Variants in ZNF407 observed in about 807,000 individuals in gnomAD.
ZNF407 encodes the protein zinc finger protein 407.
ZNF407 carries 17 observed loss-of-function variants against 131.2 expected under a neutral mutation model. The observed-to-expected ratio is 0.13, with a 90% CI of 0.09 to 0.19. The LOEUF is 0.19. Among genes scored for constraint, ZNF407 ranks in the 10% least tolerant of loss-of-function variants. The probability of loss-of-function intolerance (pLI) is 1.00; values close to 1 mark genes in which losing one functional copy is unlikely to be tolerated. For missense variants in ZNF407, 2,681 were observed against 2,830.6 expected (o/e 0.95, Z 1.20); for synonymous variants, 1,156 against 1,062.0 (o/e 1.09, Z -1.72).
rs554300102 is a variant in ZNF407 at position 74,948,009 on chromosome 18, A to G, written c.5428+27317A>G. On this transcript the variant is annotated intron_variant, in intron 8 of 8. Coordinates refer to ENST00000299687, the MANE Select transcript of ZNF407 (RefSeq NM_017757.3). ...GAGGTAAAATAATTAAGCATCAAAC[A>G]CAACAGCAGAACCCAGGATACTTGT... Among the ~76,000 whole-genome samples, 25 of 152,342 alleles carry G rather than the reference A, an allele frequency of 1.6e-4. No homozygotes were observed. In the South Asian group the frequency reaches 5.0e-3, roughly 30 times the overall value.
intron 8 of ZNF407, among the ~76,000 whole-genome samples, chr18:75,039,174 C>T (rs1973343663): frequency 6.6e-6 from 1 of 152,152 alleles, no homozygotes; most frequent in Admixed American, 6.5e-5. Context: ...TTTCTTTTTG[C>T]CTTACGGAGC....
At chr18:74,825,756 T>C (rs1970401578) in intron 4 of ZNF407, among the ~76,000 whole-genome samples, 1 of 152,240 alleles carries the variant, frequency 6.6e-6, no homozygotes, top group Admixed American at 6.5e-5. Flanking sequence ...TATGTGATCA[T>C]GCCTTCTTAG....
chr18:74,828,992 G>GC (rs1471642315), intron 4 of ZNF407, among the ~76,000 whole-genome samples: 1 of 152,262 alleles, frequency 6.6e-6, no homozygotes, highest in East Asian at 1.9e-4. Flanking sequence ...AATAGAAAGG[G>GC]CCCCACATGT....
Position 74,635,450 on chromosome 18 carries a change from G to A in ZNF407, c.4431G>A (p.Glu1477=). ...GHMRNEQASV[E]ELPEGGATFK... ...TGAGAAATGAGCAGGCCAGTGTGGA[G>A]GAGCTTCCGGAGGGAGGGGCCACCT... Residue 1477 remains glutamate (E), a synonymous_variant, in exon 2 of 9, where the codon GAG becomes GAA. Transcript: ENST00000299687. The surrounding 1 kb of genome is among the most constrained non-coding windows in gnomAD (Gnocchi z 4.7). 6.2e-7 allele frequency: 1 copy of A among 1,613,396 alleles called. No individual in the cohort carries two copies.
chr18:74,641,182 T>G (rs1353042765), intron 3 of ZNF407, 60 bp downstream of exon 3: 21 of 1,389,578 alleles, frequency 1.5e-5, no homozygotes, highest in Non-Finnish European at 1.9e-5. Flanking sequence ...GGATAGCCAT[T>G]GTTTCGGAAT....
intron 3 of ZNF407, among the ~76,000 whole-genome samples, chr18:74,702,029 T>C (rs1306539676): frequency 6.6e-6 from 1 of 152,210 alleles, no homozygotes; most frequent in Admixed American, 6.5e-5. Context: ...ACCATTATTA[T>C]ACTGAAAATA....
chr18:74,665,296 C>T (rs889470220), intron 3 of ZNF407, among the ~76,000 whole-genome samples: 1 of 152,172 alleles, frequency 6.6e-6, no homozygotes, highest in Non-Finnish European at 1.5e-5. Context: ...GATCATTAGC[C>T]ATCTTTCTGC....
At chr18:74,627,860 C>A (rs538281820) in intron 1 of ZNF407, among the ~76,000 whole-genome samples, 1 of 147,204 alleles carries the variant, frequency 6.8e-6, no homozygotes, top group Non-Finnish European at 1.5e-5. Flanking sequence ...CGCCCCGCCC[C>A]GCCCCTTTTC....
At chr18:74,630,337 A>AT (rs1343429797) in intron 1 of ZNF407, among the ~76,000 whole-genome samples, 7 of 151,776 alleles carry the variant, frequency 4.6e-5, no homozygotes, top group Non-Finnish European at 5.9e-5. Context: ...TACCTGGCTA[A>AT]TTTTTTTGTA....
chr18:74,630,652 T>TA (rs899557580), intron 1 of ZNF407, among the ~76,000 whole-genome samples: 6 of 151,688 alleles, frequency 4.0e-5, no homozygotes, highest in Non-Finnish European at 7.4e-5. Context: ...GTTTTTTTTT[T>TA]AAAAGGGTAG....
intron 3 of ZNF407, among the ~76,000 whole-genome samples, chr18:74,728,200 A>G (rs1968205855): frequency 6.6e-6 from 1 of 152,260 alleles, no homozygotes; most frequent in Non-Finnish European, 1.5e-5. Flanking sequence ...GAGAAACATC[A>G]GAAGAAACTG....
At chr18:74,835,543 A>G (rs768881966) in intron 4 of ZNF407, among the ~76,000 whole-genome samples, 3 of 152,238 alleles carry the variant, frequency 2.0e-5, no homozygotes, top group South Asian at 4.2e-4. Context: ...TTTTAAGTCT[A>G]GGATTTTATT....
chr18:74,746,257 G>A (rs1048424588), intron 3 of ZNF407, among the ~76,000 whole-genome samples: 3 of 152,160 alleles, frequency 2.0e-5, no homozygotes, highest in African/African-American at 4.8e-5. Context: ...AGGACCGGGA[G>A]TGGCTCTGGA....
chr18:74,748,080 A>G (rs1268964014), intron 3 of ZNF407, among the ~76,000 whole-genome samples: 2 of 152,086 alleles, frequency 1.3e-5, no homozygotes, highest in Admixed American at 1.3e-4. Context: ...TAGAATATTT[A>G]AAAAATGTGC....
At chr18:74,666,018 A>G (rs1985916173) in intron 3 of ZNF407, among the ~76,000 whole-genome samples, 1 of 152,150 alleles carries the variant, frequency 6.6e-6, no homozygotes, top group East Asian at 1.9e-4. Flanking sequence ...CCTAGTGGTG[A>G]CCTGGCCCTG....
rs565259397 is a variant in ZNF407, at chr18:74,600,721, G to A, written c.-54+2784G>A. Among the ~76,000 whole-genome samples, 7 of 152,314 alleles carry A rather than the reference G, an allele frequency of 4.6e-5. No individual in the cohort carries two copies. The East Asian group carries it at 1.3e-3, about 29-fold the overall frequency. On this transcript the variant is annotated intron_variant, in intron 1 of 8. Coordinates refer to ENST00000299687, the MANE Select transcript of ZNF407 (RefSeq NM_017757.3). ...AGAGCGGTTAGGGAATCCAGTTTTG[G>A]ATAGAAGACTTCCAAGCGTCAAAAG...
chr18:75,033,945 TA>T (rs1973275000), intron 8 of ZNF407, among the ~76,000 whole-genome samples: 1 of 152,350 alleles, frequency 6.6e-6, no homozygotes, highest in South Asian at 2.1e-4. Flanking sequence ...GAAAATGTAT[TA>T]TTTTTATATT....
chr18:74,869,881 G>A (rs1971063324), intron 4 of ZNF407, among the ~76,000 whole-genome samples: 1 of 152,162 alleles, frequency 6.6e-6, no homozygotes, highest in African/African-American at 2.4e-5. Context: ...TCCTAACCCC[G>A]ATCTAAGATA....
At chr18:74,835,405 A>G (rs1970541299) in intron 4 of ZNF407, among the ~76,000 whole-genome samples, 1 of 152,154 alleles carries the variant, frequency 6.6e-6, no homozygotes, top group Non-Finnish European at 1.5e-5. Flanking sequence ...GAAGTTGTGA[A>G]TTGGTCCCCG....
Sources: gnomAD v4.1 joint callset for allele counts (sites outside exome capture counted in the v4.1 genomes callset) on GRCh38, gnomAD v4.1.1 for gene constraint, Gnocchi (gnomAD v3.1) non-coding constraint, MANE v1.5 for transcripts, NCBI Gene and HGNC (gene_info 2026-07-23, HGNC 2026-07-21) for gene names.